FAT4: variants seen among roughly 807,000 people sequenced by gnomAD.
FAT4 encodes protocadherin Fat 4.
FAT4 carries 84 observed loss-of-function variants against 303.9 expected under a neutral mutation model. That is an observed-to-expected ratio of 0.28 (90% CI 0.23 to 0.33). The LOEUF is 0.33. FAT4 is among the 10% of genes least tolerant of loss of function. The pLI, the probability that FAT4 is intolerant of heterozygous loss-of-function variation, is 1.00. For missense variants in FAT4, 6,005 were observed against 6,146.8 expected (o/e 0.98, Z 0.77); for synonymous variants, 2,307 against 2,298.8 (o/e 1.00, Z -0.10).
chr4:125,365,421 CTCTT>C (rs1180958756), intron 2 of FAT4, among the ~76,000 whole-genome samples: 1 of 152,172 alleles, frequency 6.6e-6, no homozygotes, highest in African/African-American at 2.4e-5. Flanking sequence ...TCCTTGACTC[CTCTT>C]TCTCTTTTTT....
At chr4:125,366,000 G>A (rs1035148368) in intron 2 of FAT4, among the ~76,000 whole-genome samples, 2 of 152,064 alleles carry the variant, frequency 1.3e-5, no homozygotes, top group East Asian at 3.9e-4. Context: ...TTGGATTCTC[G>A]TGGGAGCGTG....
At chr4:125,415,839 T>A in intron 6 of FAT4, 33 bp downstream of exon 6, 1 of 1,488,834 alleles carries the variant, frequency 6.7e-7, no homozygotes, top group Non-Finnish European at 9.2e-7. Context: ...AGTATTGTCT[T>A]AATTATAAGA....
At position 125,374,368 on chromosome 4, in the gene FAT4, T is replaced by C. The variant is rs567270917; in HGVS notation, c.5176-24416T>C. Among the ~76,000 whole-genome samples, 6 of 152,282 alleles carry C rather than the reference T, an allele frequency of 3.9e-5. No homozygotes were observed. In the East Asian group the frequency reaches 1.2e-3, roughly 29 times the overall value. ...TATTTTTAAAATGATGAAGCATCAG[T>C]GTATTAGTGTAAGTTGATAAGCTTG... On this transcript the variant is annotated intron_variant, in intron 2 of 17. Coordinates refer to ENST00000394329, the MANE Select transcript of FAT4 (RefSeq NM_001291303.3).
rs1003773324 is a variant in FAT4 at position 125,318,571 on chromosome 4, C to G, written c.2160C>G (p.Thr720=). 2 of 1,613,990 alleles carry G rather than the reference C, an allele frequency of 1.2e-6. No homozygotes were observed. The highest frequency in any genetic ancestry group is 2.7e-5 in the African/African-American group (2 of 74,920). The change falls in exon 2 of 18, where the codon ACC becomes ACG. Residue 720 remains threonine (T), a synonymous_variant. Coordinates refer to ENST00000394329, the MANE Select transcript of FAT4 (RefSeq NM_001291303.3). The part of the protein sequence containing the change: ...TVSATDPDLG[T]NGTVKYSISA... Reference sequence around the variant, plus strand: ...CTGCCACTGACCCAGACTTGGGTACCAATGGTACTGTCAAATATAGCATAT... The same window carrying G: ...CTGCCACTGACCCAGACTTGGGTACGAATGGTACTGTCAAATATAGCATAT...
At position 125,452,417 on chromosome 4, in the gene FAT4, G is replaced by C; in HGVS notation, c.11407G>C (p.Val3803Leu). The C allele has an allele frequency of 6.2e-7, 1 of 1,614,092 alleles. No homozygotes were observed. Among genetic ancestry groups the C allele is most frequent in the Non-Finnish European group, 8.5e-7 (1 of 1,180,032 alleles). ...GCAGAGTGGAGTAAAGGTGGAATCT[G>C]TGGATCATGACTCCTGTGTGCATGG... ...LRQSGVKVES[V>L]DHDSCVHGPC... Residue 3803 changes from valine (V) to leucine (L), a missense_variant, in exon 10 of 18, where the codon GTG becomes CTG. Coordinates refer to ENST00000394329, the MANE Select transcript of FAT4 (RefSeq NM_001291303.3).
At chr4:125,354,433 T>G (rs1191372581) in intron 2 of FAT4, among the ~76,000 whole-genome samples, 2 of 151,762 alleles carry the variant, frequency 1.3e-5, no homozygotes, top group Non-Finnish European at 2.9e-5. Flanking sequence ...CTTTTTATTG[T>G]GCTTACTCAA....
intron 8 of FAT4, among the ~76,000 whole-genome samples, chr4:125,442,863 C>G (rs1308821214): frequency 6.6e-6 from 1 of 152,066 alleles, no homozygotes. Context: ...TGTTGGTAAA[C>G]TTAGACTTTT....
chr4:125,401,726 T>C (rs996458722), intron 3 of FAT4, among the ~76,000 whole-genome samples: 1 of 54,014 alleles, frequency 1.9e-5, no homozygotes, highest in Non-Finnish European at 3.6e-5. Flanking sequence ...ATTCCGTTTG[T>C]CTCTTGTTCC....
In FAT4 at chr4:125,492,932, A is replaced by C; in HGVS notation, c.*1164A>C. On this transcript the variant is annotated 3_prime_UTR_variant, in exon 18 of 18. Transcript: ENST00000394329. ...TAGAATTAAAATATTTATTTAAAAT[A>C]TTTTGTATTCATAGTGTAATATTAA... is the stretch of plus-strand genomic sequence containing the variant. 6.6e-6 allele frequency: 1 copy of C among 152,430 alleles called. No homozygotes were observed. Among genetic ancestry groups the C allele is most frequent in the East Asian group, 1.9e-4 (1 of 5,170 alleles). The allele number at this position is 152,430 out of a possible 1,614,324, so 9.4% of individuals were successfully genotyped here.
intron 7 of FAT4, among the ~76,000 whole-genome samples, chr4:125,428,846 C>T (rs1400197926): frequency 6.6e-6 from 1 of 152,018 alleles, no homozygotes; most frequent in Non-Finnish European, 1.5e-5. Flanking sequence ...GTTTCTGAGA[C>T]CTTCACTTTT....
At chr4:125,473,600 T>C (rs1726932359) in intron 12 of FAT4, among the ~76,000 whole-genome samples, 1 of 151,962 alleles carries the variant, frequency 6.6e-6, no homozygotes, top group Non-Finnish European at 1.5e-5. Flanking sequence ...TGATGAGTAA[T>C]AGTAGACATC....
chr4:125,342,722 A>G (rs1197567471), intron 2 of FAT4, among the ~76,000 whole-genome samples: 3 of 151,810 alleles, frequency 2.0e-5, no homozygotes, highest in Non-Finnish European at 4.4e-5. Flanking sequence ...TTATTTTTTT[A>G]TTACAATAAC....
At chr4:125,421,135 C>G (rs1291924311) in intron 7 of FAT4, among the ~76,000 whole-genome samples, 2 of 152,144 alleles carry the variant, frequency 1.3e-5, no homozygotes, top group Non-Finnish European at 2.9e-5. Context: ...TGTTGCCAGG[C>G]TGGTCTCGAA....
intron 2 of FAT4, among the ~76,000 whole-genome samples, chr4:125,381,250 A>G (rs1733528636): frequency 6.6e-6 from 1 of 152,192 alleles, no homozygotes; most frequent in East Asian, 1.9e-4. Context: ...CATATTATTG[A>G]CCATTTTCTG....
intron 2 of FAT4, among the ~76,000 whole-genome samples, chr4:125,392,184 A>G (rs1733998867): frequency 6.6e-6 from 1 of 152,182 alleles, no homozygotes; most frequent in Admixed American, 6.5e-5. Context: ...ATTTAAAAGC[A>G]ATCTTGATGG....
chr4:125,327,901 G>C (rs1050483388), intron 2 of FAT4, among the ~76,000 whole-genome samples: 2 of 152,130 alleles, frequency 1.3e-5, no homozygotes, highest in Non-Finnish European at 2.9e-5. Flanking sequence ...AACTGCCTAA[G>C]AACCTCATTA....
At position 125,449,574 on chromosome 4, in the gene FAT4, C is replaced by G. The variant is rs1725968352; in HGVS notation, c.8564C>G (p.Thr2855Ser). The part of the protein sequence containing the change: ...IRVSAHDSGW[T>S]VSTDVTIFVT... ...GTTTCCGCACATGATTCTGGGTGGA[C>G]TGTAAGTACAGATGTCACAATATTT... Residue 2855 changes from threonine (T) to serine (S), a missense_variant, in exon 10 of 18, where the codon ACT becomes AGT. Transcript: ENST00000394329. 1 of 1,613,460 alleles carries G rather than the reference C, an allele frequency of 6.2e-7. No individual in the cohort carries two copies. The highest frequency in any genetic ancestry group is 8.5e-7 in the Non-Finnish European group (1 of 1,179,670).
intron 3 of FAT4, among the ~76,000 whole-genome samples, chr4:125,406,377 A>G (rs1277302322): frequency 6.6e-6 from 1 of 152,146 alleles, no homozygotes; most frequent in Non-Finnish European, 1.5e-5. Context: ...ATGCCAGCAC[A>G]ATACTTTATT....
chr4:125,385,021 TA>T (rs1380042206), intron 2 of FAT4, among the ~76,000 whole-genome samples: 6,626 of 77,278 alleles, frequency 0.086, 208 homozygotes, highest in African/African-American at 0.1. Flanking sequence ...TATATATATA[TA>T]TATTTTTTTT....
Sources: allele counts gnomAD v4.1 joint callset (sites outside exome capture counted in the v4.1 genomes callset), GRCh38; gene constraint gnomAD v4.1.1; transcripts MANE v1.5; gene names NCBI Gene and HGNC (gene_info 2026-07-23, HGNC 2026-07-21).